Variants in LPIN2 observed in about 807,000 individuals in gnomAD.
LPIN2 encodes the protein phosphatidate phosphatase LPIN2.
A neutral mutation model predicts 111.4 loss-of-function variants in LPIN2; 55 were observed. That is an observed-to-expected ratio of 0.49 (90% confidence interval 0.40 to 0.62). The LOEUF (loss-of-function observed/expected upper bound fraction) is 0.62. Among genes scored for constraint, LPIN2 ranks in the 20% least tolerant of loss-of-function variants. LPIN2 has a pLI of 0.00. For missense variants in LPIN2, 992 were observed against 1,112.1 expected (o/e 0.89, Z 1.54); for synonymous variants, 425 against 414.0 (o/e 1.03, Z -0.32).
chr18:2,959,910 C>A (rs948599078), intron 2 of LPIN2, among the ~76,000 whole-genome samples: 4 of 152,074 alleles, frequency 2.6e-5, no homozygotes, highest in African/African-American at 9.7e-5. Flanking sequence ...CACCTGTAAT[C>A]CCAGAACTTT....
chr18:2,918,312 A>C lies in LPIN2; in HGVS notation c.*1981T>G, dbSNP rs759232514. The C allele has an allele frequency of 2.0e-4, 30 of 152,224 alleles. No individual in the cohort carries two copies. Among genetic ancestry groups the C allele is most frequent in the Non-Finnish European group, 3.1e-4 (21 of 68,038 alleles). 9.4% of individuals were successfully genotyped at this position (152,224 alleles called of 1,614,324 possible). A position where few individuals can be genotyped will look rare whatever the true frequency, so the allele number is the denominator to read the frequency against. On this transcript the variant is annotated 3_prime_UTR_variant, in exon 20 of 20. Coordinates refer to ENST00000677752, the MANE Select transcript of LPIN2 (RefSeq NM_001375808.2). Reference sequence around the variant, plus strand: ...CAAAAACTCTTTAAAGGACAACCTAAAAAGGATTAAAGATGTATATTAAGA... The same window carrying C: ...CAAAAACTCTTTAAAGGACAACCTACAAAGGATTAAAGATGTATATTAAGA...
At chr18:2,974,591 A>T (rs553397849) in intron 1 of LPIN2, among the ~76,000 whole-genome samples, 1 of 152,316 alleles carries the variant, frequency 6.6e-6, no homozygotes, top group East Asian at 1.9e-4. Flanking sequence ...ATCCTCAACA[A>T]ATTACATAAG....
intron 3 of LPIN2, among the ~76,000 whole-genome samples, chr18:2,951,854 T>C (rs2077542779): frequency 6.6e-6 from 1 of 152,202 alleles, no homozygotes; most frequent in Non-Finnish European, 1.5e-5. Flanking sequence ...AATGCTTATG[T>C]TTTGCCAAAT....
chr18:2,966,827 A>C (rs1598579242), intron 1 of LPIN2, among the ~76,000 whole-genome samples: 1 of 152,282 alleles, frequency 6.6e-6, no homozygotes, highest in East Asian at 1.9e-4. Flanking sequence ...ACATGTCATG[A>C]GGCTTACGGA....
chr18:2,941,095 TCAAAGTCAAAAA>T (rs1477577584), intron 4 of LPIN2, among the ~76,000 whole-genome samples: 1 of 152,220 alleles, frequency 6.6e-6, no homozygotes. Flanking sequence ...AGTAACTTGC[TCAAAGTCAAAAA>T]GATAGGAAGT....
intron 1 of LPIN2, among the ~76,000 whole-genome samples, chr18:2,971,455 C>A (rs1056710672): frequency 3.3e-5 from 5 of 152,132 alleles, no homozygotes; most frequent in South Asian, 4.1e-4. Flanking sequence ...GCACCCACCA[C>A]GCGGCATGAA....
At chr18:2,982,901 T>A in intron 1 of LPIN2, 1 of 358,908 alleles carries the variant, frequency 2.8e-6, no homozygotes, top group Non-Finnish European at 5.5e-6. Flanking sequence ...AAGGAAATGG[T>A]TCTTAAAAAA....
At chr18:2,946,584 G>C (rs1184921904) in intron 4 of LPIN2, 6 of 1,010,108 alleles carry the variant, frequency 5.9e-6, no homozygotes, top group African/African-American at 3.2e-5. Context: ...GGAACAGCAA[G>C]AGGATGCGTT....
rs112147026 is a variant in LPIN2 at position 2,922,362 on chromosome 18, C to A, written c.2175-163G>T. ...CCATCTCGGCTCACTGCAACCTCCA[C>A]CTCCTGGATTCAAGCAATTCTCCTG... On this transcript the variant is annotated intron_variant, in intron 16 of 19. Coordinates refer to ENST00000677752, the MANE Select transcript of LPIN2 (RefSeq NM_001375808.2). Among the ~76,000 whole-genome samples, 859 of 151,886 alleles carry A rather than the reference C, an allele frequency of 5.7e-3. 13 individuals are homozygous for A. The highest frequency in any genetic ancestry group is 0.019 in the African/African-American group (801 of 41,482).
chr18:2,960,341 C>G (rs1568574428), intron 2 of LPIN2, among the ~76,000 whole-genome samples: 1 of 152,062 alleles, frequency 6.6e-6, no homozygotes, highest in East Asian at 1.9e-4. Flanking sequence ...GTTCCCCCAT[C>G]TAGTTTCTGT....
intron 2 of LPIN2, among the ~76,000 whole-genome samples, chr18:2,957,636 G>A (rs1470347689): frequency 6.6e-6 from 1 of 152,096 alleles, no homozygotes; most frequent in Non-Finnish European, 1.5e-5. Context: ...ACTTCTGTAG[G>A]AAGCTCTCTC....
intron 1 of LPIN2, among the ~76,000 whole-genome samples, chr18:2,997,551 A>T (rs909357227): frequency 3.9e-5 from 6 of 152,230 alleles, no homozygotes; most frequent in African/African-American, 1.2e-4. Context: ...GCAGTGTGCC[A>T]CAATGAAACC....
At chr18:2,923,945 A>ATAAC in intron 15 of LPIN2, 84 bp from the exon 16 acceptor site, 1 of 1,065,402 alleles carries the variant, frequency 9.4e-7, no homozygotes, top group Non-Finnish European at 1.5e-6. Context: ...TCAGCTGCCA[A>ATAAC]TAACTAATTG....
At chr18:2,986,826 G>T (rs1265176396) in intron 1 of LPIN2, among the ~76,000 whole-genome samples, 1 of 152,200 alleles carries the variant, frequency 6.6e-6, no homozygotes, top group South Asian at 2.1e-4. Context: ...AAGCTGAACA[G>T]CCTAATTTAG....
At position 2,937,955 on chromosome 18, in the gene LPIN2, G is replaced by C. The variant is rs774817511; in HGVS notation, c.905C>G (p.Pro302Arg). The change falls in exon 7 of 20, where the codon CCC becomes CGC. Residue 302 changes from proline to arginine, a missense_variant. Physicochemically the swap from Pro to Arg is moderately radical, Grantham distance 103. Transcript: ENST00000677752. ...TTCACTGATGAGGTTGTCCTCACTGGGAATTACCCGAAAATGAGTATTTTC... is the reference window on the plus strand; with the variant it reads ...TTCACTGATGAGGTTGTCCTCACTGCGAATTACCCGAAAATGAGTATTTTC... Reference protein sequence around the residue: ...PSENTHFRVIPSEDNLISEVE... With the variant: ...PSENTHFRVIRSEDNLISEVE... 9 of 1,614,028 alleles carry C rather than the reference G, an allele frequency of 5.6e-6. No homozygotes were observed. The Admixed American group carries it at 6.7e-5, about 12-fold the overall frequency.
rs187484837 is a variant in LPIN2 at position 2,999,775 on chromosome 18, A to G, written c.-10+13312T>C. ...GGAGAGGACGCTAATAAAAATAAAC[A>G]TCCAAGAATGAGAAAGCGCTCTTGG... is the stretch of plus-strand genomic sequence containing the variant. On this transcript the variant is annotated intron_variant, in intron 1 of 19. Transcript: ENST00000677752. Among the ~76,000 whole-genome samples, 151 of 152,288 alleles carry G rather than the reference A, an allele frequency of 9.9e-4. 2 individuals carry two copies. The highest frequency in any genetic ancestry group is 8.7e-3 in the Admixed American group (133 of 15,306).
chr18:2,986,547 T>TGAGAA (rs10692682), intron 1 of LPIN2, among the ~76,000 whole-genome samples: 1 of 135,044 alleles, frequency 7.4e-6, no homozygotes, highest in Non-Finnish European at 1.6e-5. Flanking sequence ...TTTTTTAATG[T>TGAGAA]AAAAAAAAAA....
chr18:2,929,578 G>T (rs1436084296), intron 9 of LPIN2, among the ~76,000 whole-genome samples: 1 of 152,188 alleles, frequency 6.6e-6, no homozygotes. Flanking sequence ...GGGTCTTACA[G>T]CTTTAGCAAG....
chr18:2,923,824 T>TGC lies in LPIN2; in HGVS notation c.2123_2124dup (p.Lys709AlafsTer9). On this transcript the variant is annotated frameshift_variant, in exon 16 of 20. Transcript: ENST00000677752. LOFTEE classifies it high-confidence loss of function. ...GCTATACCCTGGTGGGTCCAGTCTT[T>TGC]GCCCAGCTGTGGGAGAATCTGTCCC... is the stretch of plus-strand genomic sequence containing the variant. The TGC allele has an allele frequency of 6.2e-7, 1 of 1,614,238 alleles. No individual in the cohort carries two copies. Among genetic ancestry groups the TGC allele is most frequent in the Non-Finnish European group, 8.5e-7 (1 of 1,180,024 alleles).
Sources: gnomAD v4.1 joint callset for allele counts (sites outside exome capture counted in the v4.1 genomes callset) on GRCh38, gnomAD v4.1.1 for gene constraint, MANE v1.5 for transcripts, NCBI Gene and HGNC (gene_info 2026-07-23, HGNC 2026-07-21) for gene names.